POC1B: variants seen among roughly 807,000 people sequenced by gnomAD.
POC1B encodes the protein POC1 centriolar protein B, also known as POC1 centriolar protein homolog B.
POC1B carries 44 observed loss-of-function variants against 60.6 expected under a neutral mutation model. The observed-to-expected ratio is 0.73, with a 90% CI of 0.57 to 0.93. The LOEUF is 0.93. Among genes scored for constraint, POC1B ranks in the 40% least tolerant of loss-of-function variants. The pLI, the probability that POC1B is intolerant of heterozygous loss-of-function variation, is 0.00. For synonymous variants in POC1B, 180 were observed against 198.9 expected (o/e 0.90, Z 0.80); for missense variants, 555 against 572.3 (o/e 0.97, Z 0.31).
chr12:89,496,741 G>A (rs1007015824), intron 3 of POC1B, among the ~76,000 whole-genome samples: 1 of 152,126 alleles, frequency 6.6e-6, no homozygotes, highest in Non-Finnish European at 1.5e-5. Flanking sequence ...CCCCGATAAT[G>A]AGTGATACAA....
At chr12:89,500,907 A>C (rs1443986778) in intron 2 of POC1B, 1 of 1,018,484 alleles carries the variant, frequency 9.8e-7, no homozygotes, top group African/African-American at 1.6e-5. Context: ...GTTTTTAGAA[A>C]CAGTAAAACG....
chr12:89,499,954 G>C (rs1459181053), intron 2 of POC1B: 2 of 619,078 alleles, frequency 3.2e-6, no homozygotes, highest in African/African-American at 3.7e-5. Flanking sequence ...CTCTTGCGGC[G>C]GCCATCGCCT....
intron 10 of POC1B, among the ~76,000 whole-genome samples, chr12:89,454,076 T>C (rs1592597554): frequency 6.6e-6 from 1 of 152,142 alleles, no homozygotes; most frequent in Non-Finnish European, 1.5e-5. Flanking sequence ...TGGCAGAGTA[T>C]CTCTTGCACT....
At chr12:89,506,974 AG>A (rs1259748869) in intron 2 of POC1B, among the ~76,000 whole-genome samples, 1 of 152,174 alleles carries the variant, frequency 6.6e-6, no homozygotes, top group African/African-American at 2.4e-5. Flanking sequence ...AAAGCCAGAA[AG>A]GCATGGAGTC....
downstream of POC1B, among the ~76,000 whole-genome samples, chr12:89,419,070 G>A (rs952774993): frequency 4.0e-5 from 6 of 151,858 alleles, no homozygotes; most frequent in African/African-American, 7.3e-5. Context: ...AGGATTCCAC[G>A]TCTTCAGCTT....
At chr12:89,503,666 T>G (rs1381548890) in intron 2 of POC1B, among the ~76,000 whole-genome samples, 1 of 148,176 alleles carries the variant, frequency 6.7e-6, no homozygotes, top group Non-Finnish European at 1.5e-5. Context: ...ATCTGGGATG[T>G]GAGGAGAGCC....
At chr12:89,437,072 T>C (rs1453574730) in intron 10 of POC1B, among the ~76,000 whole-genome samples, 3 of 152,266 alleles carry the variant, frequency 2.0e-5, no homozygotes, top group East Asian at 1.9e-4. Context: ...CTCTCTTCAA[T>C]ACCTCATGAG....
intron 4 of POC1B, among the ~76,000 whole-genome samples, chr12:89,488,113 A>C (rs939040133): frequency 1.3e-5 from 2 of 152,044 alleles, no homozygotes; most frequent in African/African-American, 2.4e-5. Flanking sequence ...ATTGTCTTAC[A>C]TTACGATTAC....
chr12:89,503,263 C>T (rs112557259), intron 2 of POC1B, among the ~76,000 whole-genome samples: 10,515 of 152,172 alleles, frequency 0.069, 901 homozygotes, highest in East Asian at 0.42. Context: ...TGCAGGCACG[C>T]GCCGCCACGC....
intron 1 of POC1B, chr12:89,525,541 G>A (rs1030466912): frequency 1.2e-5 from 15 of 1,301,102 alleles, no homozygotes; most frequent in Non-Finnish European, 1.5e-5. Context: ...GATGCGCCTC[G>A]GCTTTGGTAC....
intron 7 of POC1B, among the ~76,000 whole-genome samples, chr12:89,469,869 T>G (rs1335739726): frequency 1.0e-5 from 1 of 95,436 alleles, no homozygotes; most frequent in Non-Finnish European, 2.2e-5. Context: ...ATATTTCTTT[T>G]TTTCTTCCAT....
intron 1 of POC1B, chr12:89,525,673 G>A: frequency 1.2e-5 from 15 of 1,248,058 alleles, no homozygotes; most frequent in Non-Finnish European, 1.5e-5. Context: ...TCGGGGAAGA[G>A]CGTCCGGGAG....
At chr12:89,455,913 A>ATCAGAATT (rs1235094662) in intron 10 of POC1B, among the ~76,000 whole-genome samples, 3 of 152,198 alleles carry the variant, frequency 2.0e-5, no homozygotes, top group Non-Finnish European at 4.4e-5. Flanking sequence ...AAACTAATAC[A>ATCAGAATT]TCAGAATTTA....
intron 8 of POC1B, among the ~76,000 whole-genome samples, chr12:89,467,376 T>C (rs528615573): frequency 9.8e-5 from 15 of 152,308 alleles, no homozygotes; most frequent in African/African-American, 2.6e-4. Flanking sequence ...GGACATATAG[T>C]GTCAGTTACA....
intron 2 of POC1B, chr12:89,522,899 A>T (rs1400835293): frequency 1.2e-6 from 2 of 1,613,778 alleles, no homozygotes; most frequent in African/African-American, 2.7e-5. Flanking sequence ...GGTGTCCGAT[A>T]AGCACTAAGA....
chr12:89,510,763 C>CTTTTTTTTTTTTT lies in POC1B; in HGVS notation c.101-13422_101-13421insAAAAAAAAAAAAA, dbSNP rs56654469. Among the ~76,000 whole-genome samples, 4 of 139,084 alleles carry CTTTTTTTTTTTTT rather than the reference C, an allele frequency of 2.9e-5. 1 individual carries two copies. The highest frequency in any genetic ancestry group is 6.1e-5 in the Non-Finnish European group (4 of 65,412). 91.2% of individuals were successfully genotyped at this position (139,084 alleles called of 152,430 possible). A position where few individuals can be genotyped will look rare whatever the true frequency, so the allele number is the denominator to read the frequency against. On this transcript the variant is annotated intron_variant, in intron 2 of 11. Coordinates refer to ENST00000313546, the MANE Select transcript of POC1B (RefSeq NM_172240.3). ...CTGGAGGAAGAAATATGTTTTTATT[C>CTTTTTTTTTTTTT]TTTTTTTTTTTTGATATGGAGTCTC...
chr12:89,448,133 T>G (rs755669988), intron 10 of POC1B, among the ~76,000 whole-genome samples: 1 of 152,036 alleles, frequency 6.6e-6, no homozygotes. Flanking sequence ...CAGGAAAGCA[T>G]AGCTGTGTTT....
At chr12:89,510,650 A>T (rs1213807549) in intron 2 of POC1B, among the ~76,000 whole-genome samples, 1 of 152,056 alleles carries the variant, frequency 6.6e-6, no homozygotes, top group Non-Finnish European at 1.5e-5. Context: ...GCTAACTCAC[A>T]TATATTTTGT....
At chr12:89,427,727 A>AAACAC (rs1880832002) in intron 10 of POC1B, 1 of 152,076 alleles carries the variant, frequency 6.6e-6, no homozygotes, top group Non-Finnish European at 1.5e-5. Flanking sequence ...AAACAAAACA[A>AAACAC]AACCACATCC....
Sources: gnomAD v4.1 joint callset for allele counts (sites outside exome capture counted in the v4.1 genomes callset) on GRCh38, gnomAD v4.1.1 for gene constraint, MANE v1.5 for transcripts, NCBI Gene and HGNC (gene_info 2026-07-23, HGNC 2026-07-21) for gene names.